Variants in ZNF536 observed in about 807,000 individuals in gnomAD.
ZNF536 encodes zinc finger protein 536.
ZNF536 carries 13 observed loss-of-function variants against 84.5 expected under a neutral mutation model. The observed-to-expected ratio is 0.15, with a 90% CI of 0.10 to 0.24. ZNF536 has a LOEUF of 0.24. Ranked by LOEUF, ZNF536 falls within the 10% of genes least tolerant of loss-of-function variation. ZNF536 has a pLI of 1.00. For missense variants in ZNF536, 1,536 were observed against 1,747.5 expected, an observed-to-expected ratio of 0.88 and a Z score of 2.16; for synonymous variants, 811 against 742.5, an observed-to-expected ratio of 1.09 and a Z score of -1.50.
intron 2 of ZNF536, among the ~76,000 whole-genome samples, chr19:30,461,427 G>C (rs148364254): frequency 2.3e-3 from 349 of 152,294 alleles, no homozygotes; most frequent in Admixed American, 5.9e-3. Context: ...CTCAGTAGGA[G>C]TCATCCCGAC....
chr19:30,623,864 G>A, intron 1 of ZNF536, among the ~76,000 whole-genome samples: 1 of 152,176 alleles, frequency 6.6e-6, no homozygotes, highest in South Asian at 2.1e-4. Context: ...TCTGGTACTG[G>A]AGGGGCCTCA....
At chr19:30,259,225 T>C (rs1281445243) in intron 1 of ZNF536, among the ~76,000 whole-genome samples, 1 of 152,206 alleles carries the variant, frequency 6.6e-6, no homozygotes, top group African/African-American at 2.4e-5. Context: ...GTCATTTATA[T>C]TCTGATGCTT....
chr19:30,385,208 G>A (rs1445276578), intron 1 of ZNF536, among the ~76,000 whole-genome samples: 2 of 152,182 alleles, frequency 1.3e-5, no homozygotes, highest in East Asian at 3.9e-4. Context: ...GAGCAGCCCT[G>A]AAATCGGGTG....
At chr19:30,596,258 G>A (rs978947413) in intron 1 of ZNF536, among the ~76,000 whole-genome samples, 1 of 151,454 alleles carries the variant, frequency 6.6e-6, no homozygotes, top group Non-Finnish European at 1.5e-5. Flanking sequence ...CAGAGAGAGA[G>A]GGAGAGGGGA....
At chr19:30,584,812 T>G (rs2047040895) in intron 1 of ZNF536, among the ~76,000 whole-genome samples, 1 of 152,170 alleles carries the variant, frequency 6.6e-6, no homozygotes, top group Admixed American at 6.5e-5. Flanking sequence ...AGAGACAGTC[T>G]TGGTTGGGTG....
chr19:30,458,820 G>C (rs1337745868), intron 2 of ZNF536, among the ~76,000 whole-genome samples: 1 of 152,152 alleles, frequency 6.6e-6, no homozygotes, highest in African/African-American at 2.4e-5. Context: ...GCCTGGTGAG[G>C]GGCTGGGGAG....
chr19:30,263,863 T>A lies in ZNF536; in HGVS notation c.-189-20209T>A, dbSNP rs368375644. ...TCCCAGACTGGGCTAGGCTGAAATT[T>A]AAACACACACACACACATACACACA... On this transcript the variant is annotated intron_variant, in intron 1 of 5. Transcript: ENST00000585628. 4.1e-3 allele frequency among the ~76,000 whole-genome samples: 566 copies of A among 137,846 alleles called. 5 individuals are homozygous for A. The highest frequency in any genetic ancestry group is 0.015 in the African/African-American group (514 of 34,522). 90.4% of individuals were successfully genotyped at this position (137,846 alleles called of 152,430 possible).
exon 2 of ZNF536, chr19:30,713,013 C>T (rs1244604131): frequency 6.6e-6 from 1 of 151,750 alleles, no homozygotes; most frequent in African/African-American, 2.4e-5. Flanking sequence ...AGCCACATTC[C>T]ATTTCTAGCA....
intron 2 of ZNF536, among the ~76,000 whole-genome samples, chr19:30,330,260 T>C (rs1316643807): frequency 6.6e-6 from 1 of 152,236 alleles, no homozygotes; most frequent in East Asian, 1.9e-4. Context: ...TGGCCAATAG[T>C]ATTATATTAA....
intron 1 of ZNF536, among the ~76,000 whole-genome samples, chr19:30,435,412 ATGATGCTGG>A (rs1391936157): frequency 2.0e-5 from 3 of 149,758 alleles, no homozygotes; most frequent in African/African-American, 7.5e-5. Context: ...GTTGATGGTG[ATGATGCTGG>A]TGATGCTGGT....
At chr19:30,449,079 C>T (rs902225363) in intron 2 of ZNF536, among the ~76,000 whole-genome samples, 1 of 152,162 alleles carries the variant, frequency 6.6e-6, no homozygotes, top group Non-Finnish European at 1.5e-5. Context: ...AAAACTAGGA[C>T]CTCTGACAAA....
intron 1 of ZNF536, among the ~76,000 whole-genome samples, chr19:30,578,326 G>A (rs139356903): frequency 7.5e-4 from 115 of 152,362 alleles, no homozygotes; most frequent in African/African-American, 2.4e-3. Context: ...CCCGCGAAGC[G>A]CAGTGTTTTA....
intron 1 of ZNF536, among the ~76,000 whole-genome samples, chr19:30,618,247 T>A (rs1471920641): frequency 6.6e-6 from 1 of 152,226 alleles, no homozygotes; most frequent in Non-Finnish European, 1.5e-5. Flanking sequence ...AAGTGTCTCT[T>A]AGTCTAGTTA....
intron 1 of ZNF536, among the ~76,000 whole-genome samples, chr19:30,439,593 C>T (rs1189126434): frequency 2.0e-5 from 3 of 152,272 alleles, no homozygotes; most frequent in South Asian, 2.1e-4. Flanking sequence ...CCCATTGCAG[C>T]GGCCTCGGCT....
At chr19:30,505,283 A>T (rs2055124816) in intron 2 of ZNF536, among the ~76,000 whole-genome samples, 2 of 147,628 alleles carry the variant, frequency 1.4e-5, no homozygotes, top group Non-Finnish European at 1.5e-5. Context: ...TATACTAATA[A>T]ATATTCTATA....
In ZNF536 at chr19:30,379,644, G is replaced by T. The variant is rs1032365667; in HGVS notation, c.-3+7088G>T. On this transcript the variant is annotated intron_variant, in intron 1 of 4. Transcript: ENST00000355537. Reference sequence around the variant, plus strand: ...GGTAGACAAGCAGAAGGGCTGGGGGGTGTAGTGGGTATGCGGTGGGAGGTG... The same window carrying T: ...GGTAGACAAGCAGAAGGGCTGGGGGTTGTAGTGGGTATGCGGTGGGAGGTG... Among the ~76,000 whole-genome samples, 3 of 151,224 alleles carry T rather than the reference G, an allele frequency of 2.0e-5. 1 individual carries two copies. In the South Asian group the frequency reaches 6.3e-4, roughly 32 times the overall value.
At chr19:30,713,444 A>G (rs1406759823) in exon 2 of ZNF536, 1 of 152,234 alleles carries the variant, frequency 6.6e-6, no homozygotes, top group African/African-American at 2.4e-5. Flanking sequence ...AAAACTTTGT[A>G]TTTAAAGTTT....
At chr19:30,393,927 G>A (rs2049704074) in intron 1 of ZNF536, among the ~76,000 whole-genome samples, 1 of 152,196 alleles carries the variant, frequency 6.6e-6, no homozygotes, top group Admixed American at 6.5e-5. Context: ...GTTGGACAGG[G>A]CAGTGGTGGA....
At chr19:30,655,043 C>A (rs541837761) in intron 1 of ZNF536, among the ~76,000 whole-genome samples, 1 of 152,178 alleles carries the variant, frequency 6.6e-6, no homozygotes, top group South Asian at 2.1e-4. Flanking sequence ...GCTCCTACAA[C>A]GAAGCACTCT....
Sources: gnomAD v4.1 joint callset for allele counts (sites outside exome capture counted in the v4.1 genomes callset) on GRCh38, gnomAD v4.1.1 for gene constraint, MANE v1.5 for transcripts, NCBI Gene and HGNC (gene_info 2026-07-23, HGNC 2026-07-21) for gene names.